Variants in POU2F2 observed in about 807,000 individuals in gnomAD.
The protein encoded by POU2F2 is POU class 2 homeobox 2.
A neutral mutation model predicts 63.5 loss-of-function variants in POU2F2; 14 were observed. The ratio of observed to expected loss-of-function variants is 0.22; its 90% confidence interval spans 0.15 to 0.34. The LOEUF is 0.34. Ranked by LOEUF, POU2F2 falls within the 10% of genes least tolerant of loss-of-function variation. The pLI, the probability that POU2F2 is intolerant of heterozygous loss-of-function variation, is 1.00. For synonymous variants in POU2F2, 306 were observed against 348.6 expected (o/e 0.88, Z 1.36); for missense variants, 607 against 815.2 (o/e 0.74, Z 3.11).
intron 1 of POU2F2, among the ~76,000 whole-genome samples, chr19:42,127,190 A>G (rs1162099548): frequency 6.6e-6 from 1 of 151,684 alleles, no homozygotes; most frequent in East Asian, 1.9e-4. Flanking sequence ...CGTGGGCTCA[A>G]ATGATCCTCA....
chr19:42,091,254 C>A lies in POU2F2; in HGVS notation c.*3G>T. On this transcript the variant is annotated 3_prime_UTR_variant, in exon 15 of 15. Coordinates refer to ENST00000692977, the MANE Select transcript of POU2F2 (RefSeq NM_001394376.1). Reference sequence around the variant, plus strand: ...GGAATGGGAGGGGAGGCATGGCTGGCCCTCACTCAGGTTTGGACCCTGCCT... The same window carrying A: ...GGAATGGGAGGGGAGGCATGGCTGGACCTCACTCAGGTTTGGACCCTGCCT... 1 of 1,524,100 alleles carries A rather than the reference C, an allele frequency of 6.6e-7. No homozygotes were observed. The highest frequency in any genetic ancestry group is 8.8e-7 in the Non-Finnish European group (1 of 1,140,948). The allele number at this position is 1,524,100 out of a possible 1,614,324, so 94.4% of individuals were successfully genotyped here.
Position 42,132,220 on chromosome 19 carries a change from T to C in POU2F2, c.28+164A>G, listed in dbSNP as rs878874458. 5.9e-5 allele frequency among the ~76,000 whole-genome samples: 9 copies of C among 152,232 alleles called. No homozygotes were observed. The South Asian group carries it at 1.7e-3, about 28-fold the overall frequency. On this transcript the variant is annotated intron_variant, in intron 1 of 14. Coordinates refer to ENST00000692977, the MANE Select transcript of POU2F2 (RefSeq NM_001394376.1). ...GTGGAAAGAGAGGGCAAAGAGGAGC[T>C]GTGGGGGTTAGCGGGGACCCGGCAT...
chr19:42,097,323 G>A (rs144256847), intron 7 of POU2F2, among the ~76,000 whole-genome samples: 1 of 149,778 alleles, frequency 6.7e-6, no homozygotes, highest in East Asian at 2.0e-4. Flanking sequence ...TCAGCCTCCC[G>A]AGTAGCTGGG....
chr19:42,177,435 G>C (rs1008698249), upstream of POU2F2: 3 of 152,732 alleles, frequency 2.0e-5, no homozygotes, highest in Non-Finnish European at 2.9e-5. Context: ...GAGAGCGAGG[G>C]GGGAGAGAGG....
chr19:42,116,876 AGGCGGC>A (rs555150584), intron 5 of POU2F2: 8 of 449,254 alleles, frequency 1.8e-5, no homozygotes, highest in East Asian at 1.3e-4. Context: ...GAGGAGGCGG[AGGCGGC>A]GGCGGCGGCG....
At chr19:42,139,224 G>A (rs2034079862) in intron 2 of POU2F2, among the ~76,000 whole-genome samples, 1 of 152,152 alleles carries the variant, frequency 6.6e-6, no homozygotes, top group Non-Finnish European at 1.5e-5. Flanking sequence ...AGAAACTGAG[G>A]CAGGAAAATC....
At position 42,122,374 on chromosome 19, in the gene POU2F2, G is replaced by C. The variant is rs777094397; in HGVS notation, c.99C>G (p.Thr33=). The change falls in exon 3 of 15, where the codon ACC becomes ACG. Residue 33 remains threonine (T), a synonymous_variant. Transcript: ENST00000692977. ...GLDSPSEHTD[T]ERNGPDTNHQ... is the part of the protein sequence containing the mutation. The stretch of plus-strand genomic sequence containing the variant: ...GATTAGTGTCTGGTCCATTTCTTTC[G>C]GTGTCTGCAAAGAGAGGGAAAGGAT... The C allele has an allele frequency of 1.4e-5, 22 of 1,603,612 alleles. No individual in the cohort carries two copies. Among genetic ancestry groups the C allele is most frequent in the South Asian group, 3.3e-5 (3 of 90,824 alleles).
intron 5 of POU2F2, among the ~76,000 whole-genome samples, chr19:42,113,844 G>A (rs1042461364): frequency 1.3e-5 from 2 of 152,154 alleles, no homozygotes; most frequent in Non-Finnish European, 2.9e-5. Flanking sequence ...AGAGACATCC[G>A]AGCCTAGGAG....
rs1037319316 is a variant in POU2F2, at chr19:42,153,851, G to A, written c.-9+6481C>T. ...GTGGCGAGGCAGCAGGGGCTGCCAC[G>A]GAGACACTGGCTAGCCGGTTTTATC... On this transcript the variant is annotated intron_variant, in intron 2 of 6. Coordinates refer to the POU2F2 transcript ENST00000524801. The surrounding 1 kb of genome is among the most constrained non-coding windows in gnomAD (Gnocchi z 5.6). 1.5e-4 allele frequency among the ~76,000 whole-genome samples: 23 copies of A among 152,104 alleles called. No individual in the cohort carries two copies. The highest frequency in any genetic ancestry group is 1.4e-3 in the Admixed American group (22 of 15,276).
At chr19:42,114,877 A>C (rs1464317849) in intron 5 of POU2F2, among the ~76,000 whole-genome samples, 1 of 152,220 alleles carries the variant, frequency 6.6e-6, no homozygotes, top group Non-Finnish European at 1.5e-5. Context: ...ACCGTGGCTC[A>C]TGCCTATAAT....
In POU2F2 at chr19:42,091,044, T is replaced by C; in HGVS notation, c.*213A>G. ...CCTCTGGTTCCTTTGGGGCAGCTGG[T>C]TTCTGTTGTGATTATTTTTGGTTTT... On this transcript the variant is annotated 3_prime_UTR_variant, in exon 15 of 15. Coordinates refer to ENST00000692977, the MANE Select transcript of POU2F2 (RefSeq NM_001394376.1). 1 of 404,038 alleles carries C rather than the reference T, an allele frequency of 2.5e-6. No individual in the cohort carries two copies. The highest frequency in any genetic ancestry group is 4.3e-6 in the Non-Finnish European group (1 of 232,030). The allele number at this position is 404,038 out of a possible 1,614,324, so 25.0% of individuals were successfully genotyped here.
Position 42,088,692 on chromosome 19 carries a change from A to G in POU2F2, c.*2565T>C, listed in dbSNP as rs150970302. On this transcript the variant is annotated 3_prime_UTR_variant, in exon 15 of 15. Coordinates refer to ENST00000692977, the MANE Select transcript of POU2F2 (RefSeq NM_001394376.1). ...CTCTCCACCCTTGGGCTGGGGCCCA[A>G]GCCCTCTTGCCAGTCCCTTCTCTCT... is the stretch of plus-strand genomic sequence containing the variant. The G allele has an allele frequency of 3.0e-4, 46 of 152,368 alleles. No individual in the cohort carries two copies. Among genetic ancestry groups the G allele is most frequent in the Non-Finnish European group, 4.3e-4 (29 of 67,946 alleles). The allele number at this position is 152,368 out of a possible 1,614,324, so 9.4% of individuals were successfully genotyped here.
chr19:42,113,430 C>T (rs893878443), intron 5 of POU2F2, among the ~76,000 whole-genome samples: 2 of 152,196 alleles, frequency 1.3e-5, no homozygotes, highest in African/African-American at 4.8e-5. Context: ...ATTGCCCCTT[C>T]GTCTGTACAA....
chr19:42,105,460 T>TA (rs1163557804), intron 5 of POU2F2, among the ~76,000 whole-genome samples: 1 of 152,218 alleles, frequency 6.6e-6, no homozygotes, highest in Non-Finnish European at 1.5e-5. Flanking sequence ...TGATTTCCTA[T>TA]AACCCTTAGC....
intron 5 of POU2F2, among the ~76,000 whole-genome samples, chr19:42,107,717 C>T (rs2030354836): frequency 6.6e-6 from 1 of 152,150 alleles, no homozygotes; most frequent in Non-Finnish European, 1.5e-5. Flanking sequence ...ACTCTGAATT[C>T]TATGCACAGA....
At chr19:42,154,862 G>T (rs890467613) in intron 2 of POU2F2, among the ~76,000 whole-genome samples, 1 of 152,166 alleles carries the variant, frequency 6.6e-6, no homozygotes, top group African/African-American at 2.4e-5. Flanking sequence ...TGTGAGCCAC[G>T]GTGGGGAGGG....
intron 5 of POU2F2, among the ~76,000 whole-genome samples, chr19:42,100,327 G>A (rs539105521): frequency 6.6e-6 from 1 of 151,930 alleles, no homozygotes; most frequent in East Asian, 2.0e-4. Context: ...CTGACCTTGT[G>A]ATCTGTCCGC....
chr19:42,138,929 C>T (rs1340120172), intron 2 of POU2F2, among the ~76,000 whole-genome samples: 1 of 152,188 alleles, frequency 6.6e-6, no homozygotes, highest in Non-Finnish European at 1.5e-5. Context: ...CTCATCATAT[C>T]TCCCCACCAC....
rs1216574323 is a variant in POU2F2 at position 42,156,930 on chromosome 19, C to A, written c.-9+3402G>T. 6.6e-6 allele frequency: 1 copy of A among 152,264 alleles called. No individual in the cohort carries two copies. The highest frequency in any genetic ancestry group is 1.5e-5 in the Non-Finnish European group (1 of 68,076). The allele number at this position is 152,264 out of a possible 1,614,324, so 9.4% of individuals were successfully genotyped here. A position where few individuals can be genotyped will look rare whatever the true frequency, so the allele number is the denominator to read the frequency against. On this transcript the variant is annotated intron_variant, in intron 2 of 6. Coordinates refer to the POU2F2 transcript ENST00000524801. This position sits in a 1 kb window ranked among gnomAD's most constrained non-coding sequence, Gnocchi z 4.1. Reference sequence around the variant, plus strand: ...CTGCTTCCGAGGCATTCAGGACTCCCCTCAGGGTGTGTGAGCACCCTGGGG... The same window carrying A: ...CTGCTTCCGAGGCATTCAGGACTCCACTCAGGGTGTGTGAGCACCCTGGGG...
Sources: gnomAD v4.1 joint callset for allele counts (sites outside exome capture counted in the v4.1 genomes callset) on GRCh38, gnomAD v4.1.1 for gene constraint, Gnocchi (gnomAD v3.1) non-coding constraint, MANE v1.5 for transcripts, NCBI Gene and HGNC (gene_info 2026-07-23, HGNC 2026-07-21) for gene names.